Variants in ARHGAP21 observed in about 807,000 individuals in gnomAD.
The protein encoded by ARHGAP21 is Rho GTPase activating protein 21, also known as rho GTPase-activating protein 21.
Under a neutral mutation model 164.6 loss-of-function variants are expected in ARHGAP21, and 38 were observed. The observed-to-expected ratio is 0.23, with a 90% CI of 0.18 to 0.30. The LOEUF is 0.30. Ranked by LOEUF, ARHGAP21 falls within the 10% of genes least tolerant of loss-of-function variation. ARHGAP21 has a pLI of 1.00. For missense variants in ARHGAP21, 1,822 were observed against 2,370.7 expected, an observed-to-expected ratio of 0.77 and a Z score of 4.81; for synonymous variants, 766 against 857.9, an observed-to-expected ratio of 0.89 and a Z score of 1.87.
chr10:24,594,034 A>C (rs1428707274), intron 21 of ARHGAP21, among the ~76,000 whole-genome samples: 1 of 152,130 alleles, frequency 6.6e-6, no homozygotes, highest in Non-Finnish European at 1.5e-5. Context: ...CACTAAACTG[A>C]TCTATCTTTC....
chr10:24,660,386 TAAAAA>T (rs56053080), intron 4 of ARHGAP21, among the ~76,000 whole-genome samples: 49 of 60,092 alleles, frequency 8.2e-4, no homozygotes, highest in African/African-American at 2.6e-3. Flanking sequence ...CTCTCTCTCT[TAAAAA>T]AAAAAAAAAA....
intron 11 of ARHGAP21, 62 bp from the exon 12 acceptor site, chr10:24,604,410 G>A: frequency 9.3e-7 from 1 of 1,077,334 alleles, no homozygotes; most frequent in Non-Finnish European, 1.4e-6. Flanking sequence ...AAAGATGTAA[G>A]AATAATTTGA....
chr10:24,599,791 T>C (rs76410248), intron 14 of ARHGAP21, among the ~76,000 whole-genome samples: 2,355 of 152,304 alleles, frequency 0.015, 67 homozygotes, highest in African/African-American at 0.054. Context: ...AATACCTTGA[T>C]GATCATAAGC....
chr10:24,628,766 T>TGC (rs946276476), intron 7 of ARHGAP21, among the ~76,000 whole-genome samples: 23 of 112,880 alleles, frequency 2.0e-4, no homozygotes, highest in African/African-American at 7.5e-4. Context: ...TGTGTGTGTG[T>TGC]GTGTGCATAT....
At chr10:24,680,498 T>C (rs1331152166) in intron 2 of ARHGAP21, among the ~76,000 whole-genome samples, 1 of 152,150 alleles carries the variant, frequency 6.6e-6, no homozygotes, top group Non-Finnish European at 1.5e-5. Context: ...ACTGGGCTCT[T>C]TACACAAACA....
Position 24,585,940 on chromosome 10 carries a change from C to T in ARHGAP21, c.4349G>A (p.Cys1450Tyr), listed in dbSNP as rs1348363324. 1 of 1,613,998 alleles carries T rather than the reference C, an allele frequency of 6.2e-7. No individual in the cohort carries two copies. Among genetic ancestry groups the T allele is most frequent in the Non-Finnish European group, 8.5e-7 (1 of 1,180,022 alleles). Residue 1450 changes from cysteine to tyrosine, a missense_variant, in exon 26 of 26, where the codon TGT becomes TAT. Coordinates refer to ENST00000396432, the MANE Select transcript of ARHGAP21 (RefSeq NM_020824.4). ...VFFKKENVEQ[C>Y]HNDTKEESKK... ...GGACTCCTCTTTAGTATCATTGTGA[C>T]ACTGTTCCACATTTTCTTTCTTAAA...
chr10:24,589,411 A>C, intron 24 of ARHGAP21, 109 bp from the exon 25 acceptor site: 1 of 973,640 alleles, frequency 1.0e-6, no homozygotes, highest in South Asian at 1.6e-5. Flanking sequence ...GTGAAAGCAA[A>C]ACTCAAAACA....
intron 7 of ARHGAP21, among the ~76,000 whole-genome samples, chr10:24,623,417 A>T (rs963493364): frequency 2.6e-5 from 4 of 152,248 alleles, no homozygotes; most frequent in Non-Finnish European, 5.9e-5. Flanking sequence ...TATAATAAAT[A>T]TTATAGAACA....
chr10:24,607,854 G>A lies in ARHGAP21; in HGVS notation c.2472C>T (p.Ala824=), dbSNP rs749470620. 6.2e-7 allele frequency: 1 copy of A among 1,614,106 alleles called. No individual in the cohort carries two copies. The highest frequency in any genetic ancestry group is 1.7e-5 in the Admixed American group (1 of 60,014). Residue 824 remains alanine (A), a synonymous_variant, in exon 10 of 26, where the codon GCC becomes GCT. Transcript: ENST00000396432. ...AGGTAGAGGCTGATATAACAGCAGAGGCAGGGATATGTGCAATATCATGAT... is the reference window on the plus strand; with the variant it reads ...AGGTAGAGGCTGATATAACAGCAGAAGCAGGGATATGTGCAATATCATGAT... ...SIDHDIAHIP[A]SAVISASTSQ...
rs1592972950 is a variant in ARHGAP21 at position 24,600,895 on chromosome 10, C to T, written c.2883G>A (p.Met961Ile). The change falls in exon 14 of 26, where the codon ATG (methionine) becomes ATA (isoleucine). Residue 961 changes from methionine (M) to isoleucine (I), a missense_variant. By Grantham distance (10) the Met-to-Ile change is conservative. Coordinates refer to ENST00000396432, the MANE Select transcript of ARHGAP21 (RefSeq NM_020824.4). ...VGGSIRPWKQ[M>I]YVVLRGHSLY... is the part of the protein sequence containing the mutation. ...GTGAATGACCCCGAAGGACAACATA[C>T]ATCTGTTTCCATGGCCGAATACTTC... 1 of 1,613,112 alleles carries T rather than the reference C, an allele frequency of 6.2e-7. No homozygotes were observed. Among genetic ancestry groups the T allele is most frequent in the South Asian group, 1.1e-5 (1 of 91,058 alleles).
chr10:24,641,264 G>A (rs7095371), intron 4 of ARHGAP21, among the ~76,000 whole-genome samples: 74,699 of 152,002 alleles, frequency 0.49, 18,600 homozygotes, highest in Middle Eastern at 0.58. Flanking sequence ...CAATTTAAGA[G>A]GACTGCTGTG....
At chr10:24,687,917 A>C (rs1842367474) in intron 2 of ARHGAP21, among the ~76,000 whole-genome samples, 1 of 152,278 alleles carries the variant, frequency 6.6e-6, no homozygotes, top group African/African-American at 2.4e-5. Flanking sequence ...TGATTATCAG[A>C]AACTCATCTT....
At chr10:24,648,309 T>C (rs1215320715) in intron 4 of ARHGAP21, among the ~76,000 whole-genome samples, 4 of 152,190 alleles carry the variant, frequency 2.6e-5, no homozygotes, top group South Asian at 4.1e-4. Context: ...ATGAGTAGAA[T>C]TTTCCAGTAG....
chr10:24,622,815 A>G (rs1834714949), intron 7 of ARHGAP21, 53 bp from the exon 8 acceptor site: 3 of 1,552,102 alleles, frequency 1.9e-6, no homozygotes, highest in Middle Eastern at 1.7e-4. Flanking sequence ...ATAAAGACAA[A>G]ATCATGTTGT....
intron 9 of ARHGAP21, among the ~76,000 whole-genome samples, chr10:24,609,481 TG>T (rs988085085): frequency 6.6e-6 from 1 of 152,186 alleles, no homozygotes; most frequent in Non-Finnish European, 1.5e-5. Context: ...AGACTAACAT[TG>T]GGCTTACTCA....
chr10:24,611,707 A>G (rs1209165907), intron 9 of ARHGAP21, among the ~76,000 whole-genome samples: 2 of 152,034 alleles, frequency 1.3e-5, no homozygotes, highest in African/African-American at 4.8e-5. Flanking sequence ...ACTCTATGTC[A>G]AAAAAGAAAA....
At chr10:24,636,140 A>G (rs1036190379) in intron 4 of ARHGAP21, among the ~76,000 whole-genome samples, 3 of 152,256 alleles carry the variant, frequency 2.0e-5, no homozygotes, top group Admixed American at 1.3e-4. Context: ...TGCTCTGTCA[A>G]CAAGTTTCCC....
chr10:24,591,538 G>A lies in ARHGAP21; in HGVS notation c.4044+104C>T, dbSNP rs189713020. Reference sequence around the variant, plus strand: ...TGAGCTAGAGACCTGCTTCCGGGGCGCAAAGCGGACAATAGCAAAGCAGGA... The same window carrying A: ...TGAGCTAGAGACCTGCTTCCGGGGCACAAAGCGGACAATAGCAAAGCAGGA... On this transcript the variant is annotated intron_variant, in intron 23 of 25. Coordinates refer to ENST00000396432, the MANE Select transcript of ARHGAP21 (RefSeq NM_020824.4). 1,544 of 1,431,828 alleles carry A rather than the reference G, an allele frequency of 1.1e-3. 1 individual carries two copies. The highest frequency in any genetic ancestry group is 8.7e-3 in the African/African-American group (617 of 70,598). 88.7% of individuals were successfully genotyped at this position (1,431,828 alleles called of 1,614,324 possible).
chr10:24,621,428 A>G, intron 8 of ARHGAP21, 59 bp from the exon 9 acceptor site: 2 of 1,420,842 alleles, frequency 1.4e-6, no homozygotes, highest in Non-Finnish European at 1.9e-6. Context: ...AATAATTTCC[A>G]TTTTTACAGT....
Sources: gnomAD v4.1 joint callset for allele counts (sites outside exome capture counted in the v4.1 genomes callset) on GRCh38, gnomAD v4.1.1 for gene constraint, MANE v1.5 for transcripts, NCBI Gene and HGNC (gene_info 2026-07-23, HGNC 2026-07-21) for gene names.